QRSL1: variants seen among roughly 807,000 people sequenced by gnomAD.
QRSL1 encodes the protein glutamyl-tRNA(Gln) amidotransferase subunit A, mitochondrial.
QRSL1 carries 54 observed loss-of-function variants against 61.6 expected under a neutral mutation model. The observed-to-expected ratio is 0.88, with a 90% CI of 0.70 to 1.10. QRSL1 has a LOEUF of 1.10. Among genes scored for constraint, QRSL1 ranks in the 50% least tolerant of loss-of-function variants. QRSL1 has a pLI of 0.00. For missense variants in QRSL1, 505 were observed against 622.6 expected (o/e 0.81, Z 2.01); for synonymous variants, 228 against 225.7 (o/e 1.01, Z -0.09).
At chr6:106,659,476 A>C (rs533830438) in intron 9 of QRSL1, among the ~76,000 whole-genome samples, 1 of 152,252 alleles carries the variant, frequency 6.6e-6, no homozygotes, top group Admixed American at 6.5e-5. Context: ...AAAAAAAAAA[A>C]AAAACATATT....
intron 9 of QRSL1, among the ~76,000 whole-genome samples, chr6:106,658,156 A>C (rs936555424): frequency 3.9e-5 from 6 of 151,948 alleles, no homozygotes; most frequent in African/African-American, 7.3e-5. Flanking sequence ...TTTTCTCTTA[A>C]AAAGATCTAA....
At chr6:106,631,086 C>G (rs963590837) in intron 1 of QRSL1, among the ~76,000 whole-genome samples, 7 of 152,036 alleles carry the variant, frequency 4.6e-5, no homozygotes, top group Non-Finnish European at 1.0e-4. Flanking sequence ...ATTAGCCGGG[C>G]GTAGTGGCGG....
rs545989077 is a variant in QRSL1 at position 106,629,843 on chromosome 6, C to T, written c.24+138C>T. ...CTAGAACTGAGTGGGGGATAAGTAC[C>T]TTTCGATTCTTCGGGTGTACTCGCC... On this transcript the variant is annotated intron_variant, in intron 1 of 10. Coordinates refer to ENST00000369046, the MANE Select transcript of QRSL1 (RefSeq NM_018292.5). The T allele has an allele frequency of 4.1e-5, 43 of 1,041,288 alleles. 1 individual carries two copies. The South Asian group carries it at 5.3e-4, about 13-fold the overall frequency. The allele number at this position is 1,041,288 out of a possible 1,614,324, so 64.5% of individuals were successfully genotyped here.
intron 1 of QRSL1, 155 bp from the exon 2 acceptor site, chr6:106,640,194 A>C: frequency 1.6e-6 from 1 of 636,522 alleles, no homozygotes; most frequent in Non-Finnish European, 2.7e-6. Context: ...CATCCACTAC[A>C]CTAAGTGTAG....
chr6:106,638,983 A>G (rs550779938), intron 1 of QRSL1, among the ~76,000 whole-genome samples: 20 of 152,152 alleles, frequency 1.3e-4, no homozygotes, highest in Non-Finnish European at 1.9e-4. Flanking sequence ...TGAAGACTGT[A>G]TATTATGAGG....
chr6:106,636,277 T>C (rs1386583570), intron 1 of QRSL1, among the ~76,000 whole-genome samples: 5 of 151,980 alleles, frequency 3.3e-5, no homozygotes, highest in African/African-American at 4.8e-5. Context: ...GCATGAGTTT[T>C]GGAAACAAGA....
intron 4 of QRSL1, among the ~76,000 whole-genome samples, chr6:106,645,274 G>T (rs1054334236): frequency 1.3e-5 from 2 of 152,162 alleles, no homozygotes; most frequent in Non-Finnish European, 1.5e-5. Context: ...GATTTTGATT[G>T]TGATTGTGTT....
At chr6:106,643,159 C>T (rs1193210064) in intron 4 of QRSL1, 69 bp downstream of exon 4, 1 of 1,080,216 alleles carries the variant, frequency 9.3e-7, no homozygotes, top group Non-Finnish European at 1.4e-6. Flanking sequence ...AATGTAGTTA[C>T]CTAAAAGGAT....
intron 9 of QRSL1, among the ~76,000 whole-genome samples, chr6:106,659,261 T>A (rs12199991): frequency 0.17 from 25,800 of 152,018 alleles, 2,493 homozygotes; most frequent in Middle Eastern, 0.29. Flanking sequence ...GGTCAGGAGT[T>A]CGAGACCAGC....
intron 3 of QRSL1, among the ~76,000 whole-genome samples, chr6:106,641,614 C>G (rs768103601): frequency 1.9e-4 from 29 of 152,138 alleles, no homozygotes; most frequent in Non-Finnish European, 3.1e-4. Context: ...AAATAATATT[C>G]TATGAGGAAT....
At chr6:106,631,549 C>T (rs1331242028) in intron 1 of QRSL1, among the ~76,000 whole-genome samples, 1 of 152,036 alleles carries the variant, frequency 6.6e-6, no homozygotes, top group African/African-American at 2.4e-5. Context: ...GGCATCAGTC[C>T]AAGGTTGGAT....
intron 5 of QRSL1, among the ~76,000 whole-genome samples, chr6:106,650,560 CCCCTTTTTGATTTGTT>C: frequency 3.2e-5 from 1 of 31,376 alleles, no homozygotes; most frequent in Admixed American, 2.9e-4. Flanking sequence ...GATTTGTTTA[CCCCTTTTTGATTTGTT>C]TCTTTTACAA....
rs1777443621 is a variant in QRSL1 at position 106,666,829 on chromosome 6, C to G, written c.*827C>G. 1 of 152,256 alleles carries G rather than the reference C, an allele frequency of 6.6e-6. No homozygotes were observed. The highest frequency in any genetic ancestry group is 2.4e-5 in the African/African-American group (1 of 41,456). The allele number at this position is 152,256 out of a possible 1,614,324, so 9.4% of individuals were successfully genotyped here. On this transcript the variant is annotated 3_prime_UTR_variant, in exon 11 of 11. Coordinates refer to ENST00000369046, the MANE Select transcript of QRSL1 (RefSeq NM_018292.5). ...ACTTTGAGCACAGGAGGAAATGCAA[C>G]CAGTCAGGGCCCAGAATCATGCAAA...
intron 1 of QRSL1, among the ~76,000 whole-genome samples, chr6:106,631,731 A>AGG (rs1329707428): frequency 6.6e-6 from 1 of 152,238 alleles, no homozygotes; most frequent in African/African-American, 2.4e-5. Context: ...ATTTTGATAC[A>AGG]GGCATACAAT....
At chr6:106,648,586 G>A (rs1164032983) in intron 4 of QRSL1, among the ~76,000 whole-genome samples, 1 of 152,114 alleles carries the variant, frequency 6.6e-6, no homozygotes, top group African/African-American at 2.4e-5. Flanking sequence ...TGCTTTATAT[G>A]TTATTTTTAT....
At position 106,665,911 on chromosome 6, in the gene QRSL1, A is replaced by C. The variant is rs1356302174; in HGVS notation, c.1496A>C (p.Gln499Pro). 13 of 1,614,024 alleles carry C rather than the reference A, an allele frequency of 8.1e-6. No individual in the cohort carries two copies. The highest frequency in any genetic ancestry group is 1.0e-5 in the Non-Finnish European group (12 of 1,179,866). Reference sequence around the variant, plus strand: ...GCCAAATGGTTTGAAAAACAAGTACAGTTTCCTGTTATTCAACTTCAAGAA... The same window carrying C: ...GCCAAATGGTTTGAAAAACAAGTACCGTTTCCTGTTATTCAACTTCAAGAA... ...TVAKWFEKQV[Q>P]FPVIQLQELM... is the part of the protein sequence containing the mutation. The change falls in exon 11 of 11, where the codon CAG becomes CCG. Residue 499 changes from glutamine (Q) to proline (P), a missense_variant. Transcript: ENST00000369046.
In QRSL1 at chr6:106,640,792, C is replaced by T. The variant is rs144204970; in HGVS notation, c.185-31C>T. ...TGTATCTTTATATTTTAAACTATCT[C>T]CTTTATCACTCTTTTGGCTTTTTAA... On this transcript the variant is annotated intron_variant, in intron 2 of 10. Transcript: ENST00000369046. 1.0e-5 allele frequency: 16 copies of T among 1,541,700 alleles called. No homozygotes were observed. The African/African-American group carries it at 1.2e-4, about 12-fold the overall frequency.
chr6:106,646,503 A>C (rs1325576684), intron 4 of QRSL1, among the ~76,000 whole-genome samples: 1 of 152,168 alleles, frequency 6.6e-6, no homozygotes, highest in Non-Finnish European at 1.5e-5. Flanking sequence ...AAAACTCAAG[A>C]AAATGTAGGG....
chr6:106,664,680 G>A (rs932835311), intron 10 of QRSL1, among the ~76,000 whole-genome samples: 3 of 152,152 alleles, frequency 2.0e-5, no homozygotes, highest in Non-Finnish European at 4.4e-5. Flanking sequence ...AACATTTTTG[G>A]TAGAAGTACT....
Sources: allele counts gnomAD v4.1 joint callset (sites outside exome capture counted in the v4.1 genomes callset), GRCh38; gene constraint gnomAD v4.1.1; transcripts MANE v1.5; gene names NCBI Gene and HGNC (gene_info 2026-07-23, HGNC 2026-07-21).